Variants in BRI3 observed in about 807,000 individuals in gnomAD.
BRI3 encodes brain protein I3.
Under a neutral mutation model 12.8 loss-of-function variants are expected in BRI3, and 6 were observed. The observed-to-expected ratio is 0.47, with a 90% CI of 0.26 to 0.93. BRI3 has a LOEUF of 0.93. Ranked by LOEUF, BRI3 falls within the 40% of genes least tolerant of loss-of-function variation. The pLI, the probability that BRI3 is intolerant of heterozygous loss-of-function variation, is 0.15. For synonymous variants in BRI3, 91 were observed against 76.1 expected (o/e 1.20, Z -1.02); for missense variants, 134 against 171.1 (o/e 0.78, Z 1.21).
At chr7:98,303,888 C>T (rs1800527482), upstream of BRI3, among the ~76,000 whole-genome samples, 1 of 152,226 alleles carries the variant, frequency 6.6e-6, no homozygotes, top group Non-Finnish European at 1.5e-5. Flanking sequence ...GGCTAGAAGA[C>T]TGCAGCCAGG....
chr7:98,312,646 A>G (rs1301929715), downstream of BRI3, among the ~76,000 whole-genome samples: 1 of 152,114 alleles, frequency 6.6e-6, no homozygotes, highest in Non-Finnish European at 1.5e-5. Context: ...ACTCCTACTA[A>G]AAGCAGCACC....
upstream of BRI3, among the ~76,000 whole-genome samples, chr7:98,302,103 G>A (rs1383072786): frequency 6.6e-6 from 1 of 152,192 alleles, no homozygotes; most frequent in African/African-American, 2.4e-5. Context: ...AATGAAGCCA[G>A]GTCACCTTTC....
At chr7:98,294,137 G>A (rs746459981), downstream of BRI3, 8 of 1,612,064 alleles carry the variant, frequency 5.0e-6, no homozygotes, top group Non-Finnish European at 6.8e-6. Context: ...AGAAGTTTAT[G>A]GAGGGCTTAG....
exon 2 of BRI3, chr7:98,308,217 T>A: frequency 1.9e-6 from 1 of 528,212 alleles, no homozygotes; most frequent in South Asian, 1.5e-5. Flanking sequence ...TGGCTCTTCT[T>A]AGAGAGACAA....
At chr7:98,290,441 C>T (rs993651279) in intron 2 of BRI3, among the ~76,000 whole-genome samples, 10 of 151,314 alleles carry the variant, frequency 6.6e-5, no homozygotes, top group South Asian at 4.2e-4. Context: ...ATGATCCACC[C>T]GCCTCGGCCT....
chr7:98,317,312 C>G, the BRI3 span: 2 of 1,614,222 alleles, frequency 1.2e-6, no homozygotes, highest in Non-Finnish European at 1.7e-6. Context: ...TCTCCAAAGA[C>G]TCTAATTTAT....
chr7:98,292,740 T>C (rs568104988), downstream of BRI3: 478 of 1,551,334 alleles, frequency 3.1e-4, 2 homozygotes, highest in South Asian at 1.6e-3. Context: ...GTACTGGTAA[T>C]GGATGCAGCT....
intron 2 of BRI3, among the ~76,000 whole-genome samples, chr7:98,289,061 A>G (rs1258431495): frequency 1.3e-5 from 2 of 152,112 alleles, no homozygotes; most frequent in African/African-American, 4.8e-5. Flanking sequence ...CCCAGGTTCA[A>G]GCAATTCTGT....
rs569987242 is a variant in BRI3 at position 98,285,780 on chromosome 7, C to T, written c.245+3327C>T. Among the ~76,000 whole-genome samples, 501 of 152,196 alleles carry T rather than the reference C, an allele frequency of 3.3e-3. 3 individuals carry two copies. Among genetic ancestry groups the T allele is most frequent in the African/African-American group, 0.011 (475 of 41,526 alleles). The stretch of plus-strand genomic sequence containing the variant: ...GCCCTGGGAGGTCCTGGTGAACTGT[C>T]CCTAAGCCAGGCAGCTCCCCTGTGG... On this transcript the variant is annotated intron_variant, in intron 2 of 2. Transcript: ENST00000297290.
chr7:98,317,590 T>C, the BRI3 span, among the ~76,000 whole-genome samples: 61,360 of 151,210 alleles, frequency 0.41, 13,320 homozygotes, highest in Middle Eastern at 0.55. Context: ...AGGGCCCTCA[T>C]CCCTCAGTTC....
the BRI3 span, among the ~76,000 whole-genome samples, chr7:98,316,733 A>G: frequency 1.3e-5 from 2 of 152,088 alleles, no homozygotes; most frequent in East Asian, 1.9e-4. Context: ...CTTTTATCCA[A>G]TTGTATGTTT....
chr7:98,295,949 T>C (rs917198588), downstream of BRI3, among the ~76,000 whole-genome samples: 4 of 152,144 alleles, frequency 2.6e-5, no homozygotes, highest in Non-Finnish European at 4.4e-5. Flanking sequence ...CGTGCACGCA[T>C]GCCTGGGGCC....
chr7:98,287,867 C>A (rs767648775), intron 2 of BRI3, among the ~76,000 whole-genome samples: 1 of 152,200 alleles, frequency 6.6e-6, no homozygotes, highest in Non-Finnish European at 1.5e-5. Context: ...GGGCTCCAGC[C>A]GGGCTCCCCA....
the BRI3 span, chr7:98,317,354 TG>T: frequency 2.5e-6 from 4 of 1,613,548 alleles, no homozygotes; most frequent in South Asian, 4.4e-5. Flanking sequence ...TTTTTAGAGT[TG>T]CCTGTAAGTT....
intron 1 of BRI3, 148 bp downstream of exon 1, chr7:98,282,085 G>C: frequency 3.4e-6 from 4 of 1,168,490 alleles, no homozygotes; most frequent in Non-Finnish European, 4.5e-6. Context: ...CGGCGCCGCC[G>C]AGGGCCAGCC....
intron 2 of BRI3, among the ~76,000 whole-genome samples, chr7:98,289,644 G>A (rs1447905901): frequency 6.6e-6 from 1 of 152,126 alleles, no homozygotes; most frequent in Non-Finnish European, 1.5e-5. Flanking sequence ...CTCCAGCACT[G>A]GCTGGATGGG....
At chr7:98,296,663 G>T (rs564184483), downstream of BRI3, among the ~76,000 whole-genome samples, 1 of 152,122 alleles carries the variant, frequency 6.6e-6, no homozygotes, top group African/African-American at 2.4e-5. Context: ...AACAAAAACA[G>T]AAACAACAAA....
At chr7:98,317,782 C>T in the BRI3 span, among the ~76,000 whole-genome samples, 3 of 148,364 alleles carry the variant, frequency 2.0e-5, no homozygotes, top group Non-Finnish European at 3.0e-5. Flanking sequence ...TCACACTGGC[C>T]GGGGCCCTCG....
chr7:98,302,877 TG>T (rs199943779), upstream of BRI3, among the ~76,000 whole-genome samples: 2 of 152,274 alleles, frequency 1.3e-5, no homozygotes, highest in South Asian at 2.1e-4. Context: ...CTCGAACTTC[TG>T]GGTTCAGGCT....
Sources: gnomAD v4.1 joint callset for allele counts (sites outside exome capture counted in the v4.1 genomes callset) on GRCh38, gnomAD v4.1.1 for gene constraint, MANE v1.5 for transcripts, NCBI Gene and HGNC (gene_info 2026-07-23, HGNC 2026-07-21) for gene names.